KMT2C: variants seen among roughly 807,000 people sequenced by gnomAD.
KMT2C encodes the protein histone-lysine N-methyltransferase 2C.
Under a neutral mutation model 507.9 loss-of-function variants are expected in KMT2C, and 88 were observed. The observed-to-expected ratio is 0.17, with a 90% CI of 0.15 to 0.21. The LOEUF (loss-of-function observed/expected upper bound fraction) is 0.21, where lower values mean the gene tolerates loss of function less well. KMT2C is among the 10% of genes least tolerant of loss of function. The pLI, the probability that KMT2C is intolerant of heterozygous loss-of-function variation, is 1.00. For synonymous variants in KMT2C, 2,049 were observed against 2,080.8 expected, an observed-to-expected ratio of 0.98 and a Z score of 0.42; for missense variants, 4,954 against 5,957.8, an observed-to-expected ratio of 0.83 and a Z score of 5.55.
intron 25 of KMT2C, 40 bp downstream of exon 25, chr7:152,205,066 T>G: frequency 1.4e-6 from 2 of 1,384,706 alleles, no homozygotes; most frequent in Non-Finnish European, 2.0e-6. Flanking sequence ...ACCAAAGGGT[T>G]ACATTAAAAA....
In KMT2C at chr7:152,177,622, G is replaced by A. The variant is rs150673607; in HGVS notation, c.7831C>T (p.Pro2611Ser). 6.3e-5 allele frequency: 101 copies of A among 1,614,034 alleles called. No homozygotes were observed. The highest frequency in any genetic ancestry group is 7.3e-5 in the Non-Finnish European group (86 of 1,180,028). The change falls in exon 38 of 59, where the codon CCT becomes TCT. Residue 2611 changes from proline to serine, a missense_variant. Pro to Ser is a moderately conservative substitution (Grantham distance 74). This residue lies in a region of KMT2C where 1,689 missense variants were observed against 1,654.3 expected (regional missense o/e 1.02). Transcript: ENST00000262189. ...AGCTGATTAGGTAGACCCTGGGGAG[G>A]TCGTCGCATGGGGTCTGTGTGTCTA... Reference protein sequence around the residue: ...GPRHTDPMRRPPQGLPNQLPV... With the variant: ...GPRHTDPMRRSPQGLPNQLPV...
At chr7:152,165,402 T>C (rs888113124) in intron 42 of KMT2C, among the ~76,000 whole-genome samples, 2 of 152,190 alleles carry the variant, frequency 1.3e-5, no homozygotes, top group Non-Finnish European at 2.9e-5. Context: ...CTTGTACAAA[T>C]ATGCCAGATG....
At chr7:152,151,306 C>T (rs1341036241) in intron 50 of KMT2C, 136 bp downstream of exon 50, 7 of 864,978 alleles carry the variant, frequency 8.1e-6, no homozygotes, top group East Asian at 2.6e-5. Context: ...ATCTGATATA[C>T]GCTGGTGCCA....
intron 3 of KMT2C, among the ~76,000 whole-genome samples, chr7:152,327,957 CAAAA>C (rs371396057): frequency 6.4e-5 from 5 of 78,700 alleles, no homozygotes; most frequent in Non-Finnish European, 1.2e-4. Flanking sequence ...GACTCCGCCT[CAAAA>C]AAAAAAAAAA....
intron 1 of KMT2C, among the ~76,000 whole-genome samples, chr7:152,421,834 G>A (rs575311815): frequency 6.2e-4 from 94 of 152,172 alleles, no homozygotes; most frequent in Non-Finnish European, 1.2e-3. Context: ...AAGCCTCAGC[G>A]ACACGCAATG....
At chr7:152,389,152 G>A (rs1214409832) in intron 1 of KMT2C, among the ~76,000 whole-genome samples, 1 of 152,108 alleles carries the variant, frequency 6.6e-6, no homozygotes, top group Non-Finnish European at 1.5e-5. Context: ...AAAGTGCTGG[G>A]ATTACAGGCA....
chr7:152,347,192 A>G (rs1246420742), intron 2 of KMT2C, among the ~76,000 whole-genome samples: 6 of 152,230 alleles, frequency 3.9e-5, no homozygotes, highest in African/African-American at 7.2e-5. Flanking sequence ...TACTGATACC[A>G]TAAGTTTATG....
At chr7:152,311,127 G>A (rs2096668068) in intron 5 of KMT2C, among the ~76,000 whole-genome samples, 1 of 152,054 alleles carries the variant, frequency 6.6e-6, no homozygotes, top group Non-Finnish European at 1.5e-5. Flanking sequence ...TATTTGATAT[G>A]TTTCTGGTAT....
chr7:152,427,008 TTTTTG>T (rs910300642), intron 1 of KMT2C, among the ~76,000 whole-genome samples: 4 of 151,392 alleles, frequency 2.6e-5, no homozygotes, highest in Admixed American at 6.6e-5. Context: ...CCAGAGTTTT[TTTTTG>T]TTTTGTTTTG....
At chr7:152,298,524 T>C (rs1416983214) in intron 6 of KMT2C, among the ~76,000 whole-genome samples, 1 of 152,108 alleles carries the variant, frequency 6.6e-6, no homozygotes, top group East Asian at 1.9e-4. Flanking sequence ...AAAGGCCAAC[T>C]AGAATTCCAT....
chr7:152,343,475 A>C (rs2097020033), intron 2 of KMT2C, among the ~76,000 whole-genome samples: 1 of 151,394 alleles, frequency 6.6e-6, no homozygotes, highest in South Asian at 2.1e-4. Flanking sequence ...AAAGAACAGA[A>C]TGTTTAATAC....
At chr7:152,390,000 G>A (rs1044236927) in intron 1 of KMT2C, among the ~76,000 whole-genome samples, 2 of 152,194 alleles carry the variant, frequency 1.3e-5, no homozygotes, top group Non-Finnish European at 2.9e-5. Flanking sequence ...TTGTAAGTGG[G>A]AGCTAAACAA....
At chr7:152,243,366 G>A (rs1440117268) in intron 14 of KMT2C, among the ~76,000 whole-genome samples, 3 of 152,162 alleles carry the variant, frequency 2.0e-5, no homozygotes, top group Non-Finnish European at 4.4e-5. Context: ...TAACACTATG[G>A]TTCTCTGGCT....
At chr7:152,382,274 T>C (rs1425216769) in intron 1 of KMT2C, among the ~76,000 whole-genome samples, 3 of 152,142 alleles carry the variant, frequency 2.0e-5, no homozygotes, top group Admixed American at 6.6e-5. Flanking sequence ...AATCAACTTA[T>C]AGGGAAACCA....
At chr7:152,157,777 G>C (rs2092168253) in intron 44 of KMT2C, 2 of 1,292,830 alleles carry the variant, frequency 1.5e-6, no homozygotes, top group South Asian at 2.6e-5. Context: ...GATCAACTGA[G>C]AATAGTAGTC....
intron 6 of KMT2C, among the ~76,000 whole-genome samples, chr7:152,292,435 G>C (rs2096442973): frequency 6.6e-6 from 1 of 152,144 alleles, no homozygotes; most frequent in Non-Finnish European, 1.5e-5. Context: ...AACCAACTCT[G>C]ACACTGTAGT....
intron 6 of KMT2C, among the ~76,000 whole-genome samples, chr7:152,274,576 T>G (rs2096045958): frequency 1.3e-5 from 2 of 152,194 alleles, no homozygotes; most frequent in African/African-American, 4.8e-5. Flanking sequence ...CAGAAGAAAT[T>G]ATGTAAAATG....
At chr7:152,409,871 A>G (rs1422824287) in intron 1 of KMT2C, among the ~76,000 whole-genome samples, 1 of 152,056 alleles carries the variant, frequency 6.6e-6, no homozygotes, top group Non-Finnish European at 1.5e-5. Context: ...CAAACTTGCA[A>G]TGCTATACCC....
At chr7:152,137,614 G>C (rs2090017608) in intron 58 of KMT2C, 1 of 152,238 alleles carries the variant, frequency 6.6e-6, no homozygotes, top group South Asian at 2.1e-4. Context: ...AAGGAAACCA[G>C]TGTTTATTGA....
Sources: gnomAD v4.1 joint callset for allele counts (sites outside exome capture counted in the v4.1 genomes callset) on GRCh38, gnomAD v4.1.1 for gene constraint, gnomAD v4.1.1 regional missense constraint, MANE v1.5 for transcripts, NCBI Gene and HGNC (gene_info 2026-07-23, HGNC 2026-07-21) for gene names.